Variants in GABRG3 observed in about 807,000 individuals in gnomAD.
The protein encoded by GABRG3 is gamma-aminobutyric acid type A receptor subunit gamma3, also known as gamma-aminobutyric acid receptor subunit gamma-3.
In GABRG3, 25 loss-of-function variants were observed where a neutral mutation model predicts 48.8. That is an observed-to-expected ratio of 0.51 (90% CI 0.37 to 0.72). GABRG3 has a LOEUF of 0.72. Ranked by LOEUF, GABRG3 falls within the 30% of genes least tolerant of loss-of-function variation. GABRG3 has a pLI of 0.00. For missense variants in GABRG3, 394 were observed against 577.9 expected (o/e 0.68, Z 3.26); for synonymous variants, 227 against 217.6 (o/e 1.04, Z -0.38).
intron 3 of GABRG3, among the ~76,000 whole-genome samples, chr15:27,311,154 C>T (rs1231492364): frequency 6.6e-6 from 1 of 152,098 alleles, no homozygotes; most frequent in East Asian, 1.9e-4. Flanking sequence ...GTGATCTCAC[C>T]AATTCAGCAA....
intron 3 of GABRG3, among the ~76,000 whole-genome samples, chr15:27,277,400 A>C (rs912935837): frequency 6.6e-6 from 1 of 152,206 alleles, no homozygotes; most frequent in Non-Finnish European, 1.5e-5. Flanking sequence ...CAGGGTATAG[A>C]CATTTGAGTA....
intron 2 of GABRG3, among the ~76,000 whole-genome samples, chr15:26,990,273 C>T (rs1372428285): frequency 2.0e-5 from 3 of 152,146 alleles, no homozygotes; most frequent in Non-Finnish European, 4.4e-5. Flanking sequence ...TCTCCACATC[C>T]TTGCCAGCAT....
chr15:27,498,061 C>T (rs888031884), intron 6 of GABRG3, among the ~76,000 whole-genome samples: 1 of 152,184 alleles, frequency 6.6e-6, no homozygotes, highest in Non-Finnish European at 1.5e-5. Flanking sequence ...TGAATAAACT[C>T]AGGGAAGTCA....
chr15:27,529,904 A>AAAG lies in GABRG3; in HGVS notation c.1122+1913_1122+1914insAGA, dbSNP rs1290551648. 9.1e-3 allele frequency among the ~76,000 whole-genome samples: 1,378 copies of AAAG among 151,532 alleles called. 27 individuals carry two copies. Among genetic ancestry groups the AAAG allele is most frequent in the African/African-American group, 0.032 (1,319 of 40,978 alleles). ...AGCAGAAAATTAAAAAAAAAAAAAA[A>AAAG]AGAGAAAGTGGGAAAGTTTAATGAC... is the stretch of plus-strand genomic sequence containing the variant. On this transcript the variant is annotated intron_variant, in intron 9 of 9. Coordinates refer to ENST00000615808, the MANE Select transcript of GABRG3 (RefSeq NM_033223.5).
chr15:27,059,504 C>G (rs1896609395), intron 3 of GABRG3, among the ~76,000 whole-genome samples: 2 of 152,176 alleles, frequency 1.3e-5, no homozygotes, highest in African/African-American at 4.8e-5. Context: ...CACTTTTATT[C>G]CAATTTGAAA....
Position 27,527,417 on chromosome 15 carries a change from C to G in GABRG3, c.866-16C>G. 4 of 1,609,840 alleles carry G rather than the reference C, an allele frequency of 2.5e-6. No individual in the cohort carries two copies. The highest frequency in any genetic ancestry group is 3.4e-6 in the Non-Finnish European group (4 of 1,177,586). Reference sequence around the variant, plus strand: ...TGTTGCACCCTTTTACAACATGCTACCCGTCCCCTGTTCAGGCATCACCAC... The same window carrying G: ...TGTTGCACCCTTTTACAACATGCTAGCCGTCCCCTGTTCAGGCATCACCAC... On this transcript the variant is annotated splice_polypyrimidine_tract_variant and intron_variant, in intron 7 of 9. Transcript: ENST00000615808.
chr15:27,219,674 T>G (rs1267504792), intron 3 of GABRG3, among the ~76,000 whole-genome samples: 1 of 152,172 alleles, frequency 6.6e-6, no homozygotes, highest in East Asian at 1.9e-4. Context: ...CCCCAGACTC[T>G]TGCTGGCTGG....
chr15:27,391,087 CAA>C (rs754876404), intron 5 of GABRG3, among the ~76,000 whole-genome samples: 2 of 132,840 alleles, frequency 1.5e-5, no homozygotes, highest in African/African-American at 2.8e-5. Flanking sequence ...GACTCCATCT[CAA>C]AAAAAAAAAA....
chr15:27,373,362 G>C (rs1895479428), intron 5 of GABRG3, among the ~76,000 whole-genome samples: 1 of 152,150 alleles, frequency 6.6e-6, no homozygotes, highest in Non-Finnish European at 1.5e-5. Context: ...CTAGGCATTT[G>C]TAGAAAATTG....
chr15:27,503,085 G>A (rs1232075293), intron 6 of GABRG3, among the ~76,000 whole-genome samples: 1 of 152,150 alleles, frequency 6.6e-6, no homozygotes, highest in Non-Finnish European at 1.5e-5. Context: ...TGGGGAGTGA[G>A]GCTGAAAGTC....
At chr15:27,383,150 C>T (rs1895826104) in intron 5 of GABRG3, among the ~76,000 whole-genome samples, 1 of 152,160 alleles carries the variant, frequency 6.6e-6, no homozygotes, top group South Asian at 2.1e-4. Flanking sequence ...GTGCTAGGGA[C>T]TGTATCCTGG....
At chr15:27,105,989 C>T (rs1477504418) in intron 3 of GABRG3, among the ~76,000 whole-genome samples, 1 of 151,978 alleles carries the variant, frequency 6.6e-6, no homozygotes, top group Non-Finnish European at 1.5e-5. Flanking sequence ...ATGAATGAAC[C>T]TGGAGGATAT....
At chr15:27,404,569 G>A (rs1215095065) in intron 5 of GABRG3, among the ~76,000 whole-genome samples, 2 of 152,188 alleles carry the variant, frequency 1.3e-5, no homozygotes, top group Admixed American at 1.3e-4. Flanking sequence ...TCTGGTTAAT[G>A]GACATTGTCT....
At chr15:27,369,600 G>A (rs1340892143) in intron 5 of GABRG3, among the ~76,000 whole-genome samples, 1 of 152,062 alleles carries the variant, frequency 6.6e-6, no homozygotes, top group Non-Finnish European at 1.5e-5. Flanking sequence ...GGCGGATCAT[G>A]AGGTCAGGAG....
chr15:27,153,791 C>T (rs932849851), intron 3 of GABRG3, among the ~76,000 whole-genome samples: 1 of 152,034 alleles, frequency 6.6e-6, no homozygotes, highest in Non-Finnish European at 1.5e-5. Context: ...GTGTTGTGTA[C>T]TTATTTAGAG....
At chr15:27,333,409 A>T (rs74004984) in intron 5 of GABRG3, among the ~76,000 whole-genome samples, 6,887 of 152,158 alleles carry the variant, frequency 0.045, 529 homozygotes, top group African/African-American at 0.16. Context: ...CCCGCATTCC[A>T]TAACGTGGGT....
intron 3 of GABRG3, among the ~76,000 whole-genome samples, chr15:27,259,531 T>C (rs1890712690): frequency 6.6e-6 from 1 of 152,216 alleles, no homozygotes; most frequent in Non-Finnish European, 1.5e-5. Context: ...GAAATCATTA[T>C]TTCCTTACTT....
intron 3 of GABRG3, among the ~76,000 whole-genome samples, chr15:27,062,655 A>C (rs1316657308): frequency 6.6e-6 from 1 of 151,820 alleles, no homozygotes; most frequent in African/African-American, 2.4e-5. Context: ...AAGAAAAATC[A>C]CTGAGTATGT....
chr15:27,032,871 G>A (rs2140688416), intron 3 of GABRG3, among the ~76,000 whole-genome samples: 1 of 152,204 alleles, frequency 6.6e-6, no homozygotes, highest in Middle Eastern at 3.4e-3. Context: ...CTGGCATGGG[G>A]CTGACCTGCA....
Sources: gnomAD v4.1 joint callset for allele counts (sites outside exome capture counted in the v4.1 genomes callset) on GRCh38, gnomAD v4.1.1 for gene constraint, MANE v1.5 for transcripts, NCBI Gene and HGNC (gene_info 2026-07-23, HGNC 2026-07-21) for gene names.